Variants in GLIPR1L2 observed in about 807,000 individuals in gnomAD.
GLIPR1L2 encodes GLIPR1 like 2.
Under a neutral mutation model 28.4 loss-of-function variants are expected in GLIPR1L2, and 21 were observed. The observed-to-expected ratio is 0.74, with a 90% CI of 0.52 to 1.06. The LOEUF is 1.06. GLIPR1L2 is among the 50% of genes least tolerant of loss of function. The probability of loss-of-function intolerance (pLI) is 0.00; values close to 1 mark genes in which losing one functional copy is unlikely to be tolerated. For missense variants in GLIPR1L2, 476 were observed against 416.9 expected (o/e 1.14, Z -1.23); for synonymous variants, 145 against 139.3 (o/e 1.04, Z -0.29).
intron 2 of GLIPR1L2, among the ~76,000 whole-genome samples, chr12:75,412,344 G>A (rs1451482739): frequency 6.6e-6 from 1 of 151,994 alleles, no homozygotes; most frequent in East Asian, 1.9e-4. Flanking sequence ...ATTGACAAAT[G>A]GGATCTAATT....
At chr12:75,403,342 C>A (rs2045762730) in intron 1 of GLIPR1L2, among the ~76,000 whole-genome samples, 1 of 152,138 alleles carries the variant, frequency 6.6e-6, no homozygotes, top group African/African-American at 2.4e-5. Flanking sequence ...ACTTATCAAT[C>A]CTGGACTGAA....
At position 75,432,087 on chromosome 12, in the gene GLIPR1L2, A is replaced by G. The variant is rs920880616; in HGVS notation, c.*926A>G. On this transcript the variant is annotated 3_prime_UTR_variant, in exon 6 of 6. Transcript: ENST00000550916. Reference sequence around the variant, plus strand: ...ATGGATCAACTTTGTAAAGGAATCAATAGTAGTTGTGAAGTACACTAAGCA... The same window carrying G: ...ATGGATCAACTTTGTAAAGGAATCAGTAGTAGTTGTGAAGTACACTAAGCA... 6.6e-6 allele frequency: 1 copy of G among 152,156 alleles called. No homozygotes were observed. Among genetic ancestry groups the G allele is most frequent in the African/African-American group, 2.4e-5 (1 of 41,464 alleles). The allele number at this position is 152,156 out of a possible 1,614,324, so 9.4% of individuals were successfully genotyped here. A position where few individuals can be genotyped will look rare whatever the true frequency, so the allele number is the denominator to read the frequency against.
intron 4 of GLIPR1L2, among the ~76,000 whole-genome samples, chr12:75,424,641 G>A (rs915800176): frequency 2.6e-5 from 4 of 151,710 alleles, no homozygotes; most frequent in African/African-American, 9.7e-5. Context: ...GCAGAGACAG[G>A]ATCTTGTTGT....
chr12:75,402,941 G>C (rs7135440), intron 1 of GLIPR1L2: 1 of 453,580 alleles, frequency 2.2e-6, no homozygotes, highest in Non-Finnish European at 4.4e-6. Context: ...TGATAGTCTT[G>C]CCACCTACCA....
rs1008720077 is a variant in GLIPR1L2 at position 75,432,678 on chromosome 12, A to G, written c.*1517A>G. On this transcript the variant is annotated 3_prime_UTR_variant, in exon 6 of 6. Coordinates refer to ENST00000550916, the MANE Select transcript of GLIPR1L2 (RefSeq NM_001270396.2). ...GAATTATATTAAAAAGCCCTGAGCT[A>G]TCCTCTTGGATTTGAATGTTTCTGT... 2 of 151,782 alleles carry G rather than the reference A, an allele frequency of 1.3e-5. No homozygotes were observed. Among genetic ancestry groups the G allele is most frequent in the African/African-American group, 4.8e-5 (2 of 41,326 alleles). 9.4% of individuals were successfully genotyped at this position (151,782 alleles called of 1,614,324 possible). A position where few individuals can be genotyped will look rare whatever the true frequency, so the allele number is the denominator to read the frequency against.
intron 1 of GLIPR1L2, among the ~76,000 whole-genome samples, chr12:75,409,687 ATATATCTAATCCGATATATATATAAGATG>A (rs2045842862): frequency 2.7e-5 from 4 of 146,866 alleles, no homozygotes; most frequent in Admixed American, 1.4e-4. Context: ...TATATAAGGT[ATATATCTAATCCGATATATATATAAGATG>A]TATATCTAAT....
chr12:75,432,597 G>A lies in GLIPR1L2; in HGVS notation c.*1436G>A, dbSNP rs568208961. The A allele has an allele frequency of 1.3e-5, 2 of 151,702 alleles. No homozygotes were observed. The highest frequency in any genetic ancestry group is 2.9e-5 in the Non-Finnish European group (2 of 67,890). The allele number at this position is 151,702 out of a possible 1,614,324, so 9.4% of individuals were successfully genotyped here. On this transcript the variant is annotated 3_prime_UTR_variant, in exon 6 of 6. Transcript: ENST00000550916. ...AAATGCTATGTGTATTTACTCTGTT[G>A]TTCTTTAGTTGTATCAATATTCTGT...
At chr12:75,397,537 A>G (rs1360170222) in intron 1 of GLIPR1L2, among the ~76,000 whole-genome samples, 1 of 152,186 alleles carries the variant, frequency 6.6e-6, no homozygotes, top group Non-Finnish European at 1.5e-5. Flanking sequence ...AAATATTGCT[A>G]CAGACTAATT....
At chr12:75,424,353 A>T (rs1365503515) in intron 4 of GLIPR1L2, among the ~76,000 whole-genome samples, 2 of 152,216 alleles carry the variant, frequency 1.3e-5, no homozygotes, top group Non-Finnish European at 2.9e-5. Context: ...TGTTGGATGC[A>T]TAAATGTCTT....
At chr12:75,428,754 C>A (rs1483198333) in intron 4 of GLIPR1L2, among the ~76,000 whole-genome samples, 2 of 152,194 alleles carry the variant, frequency 1.3e-5, no homozygotes, top group Admixed American at 6.5e-5. Context: ...TGGTTCCCTG[C>A]CTCCCAGCCA....
chr12:75,422,829 T>C (rs2045990846), intron 3 of GLIPR1L2, 75 bp from the exon 4 acceptor site: 1 of 1,204,584 alleles, frequency 8.3e-7, no homozygotes, highest in Non-Finnish European at 1.2e-6. Flanking sequence ...TAAAAATTAG[T>C]AACTATATTA....
chr12:75,422,821 A>G, intron 3 of GLIPR1L2, 83 bp from the exon 4 acceptor site: 3 of 1,156,134 alleles, frequency 2.6e-6, no homozygotes, highest in Non-Finnish European at 3.7e-6. Flanking sequence ...AACCTGATTA[A>G]AAATTAGTAA....
chr12:75,391,236 G>T lies in GLIPR1L2; in HGVS notation c.120G>T (p.Leu40Phe). The T allele has an allele frequency of 6.2e-7, 1 of 1,614,226 alleles. No homozygotes were observed. ...ELWLLLLGSS[L>F]NARFLPDEED... is the part of the protein sequence containing the mutation. ...GGCTACTGCTACTGGGTTCTAGTTT[G>T]AACGCCAGATTTTTGCCAGACGAGG... The change falls in exon 1 of 6, where the codon TTG (leucine) becomes TTT (phenylalanine). Residue 40 changes from leucine to phenylalanine, a missense_variant. Transcript: ENST00000550916.
rs556159037 is a variant in GLIPR1L2, at chr12:75,427,737, C to T, written c.671-2978C>T. Among the ~76,000 whole-genome samples the T allele has an allele frequency of 4.9e-4, 75 of 152,278 alleles. No individual in the cohort carries two copies. In the Middle Eastern group the frequency reaches 0.01, roughly 21 times the overall value. ...GGTAATTAGATCAGGGGGGCAGTTT[C>T]TCTCATGCTGTTCTCATGATAGTGA... On this transcript the variant is annotated intron_variant, in intron 4 of 5. Transcript: ENST00000550916.
rs1201277239 is a variant in GLIPR1L2 at position 75,432,501 on chromosome 12, C to T, written c.*1340C>T. On this transcript the variant is annotated 3_prime_UTR_variant, in exon 6 of 6. Transcript: ENST00000550916. ...AATATTGTGTTCTAAAGCTATATTT[C>T]TCAATGTGTGGTTCCACTGAGGGAA... 1.3e-5 allele frequency: 2 copies of T among 150,418 alleles called. No individual in the cohort carries two copies. The highest frequency in any genetic ancestry group is 4.9e-5 in the African/African-American group (2 of 40,962). 9.3% of individuals were successfully genotyped at this position (150,418 alleles called of 1,614,324 possible).
intron 1 of GLIPR1L2, among the ~76,000 whole-genome samples, chr12:75,397,912 C>T (rs2045697406): frequency 6.6e-6 from 1 of 151,962 alleles, no homozygotes; most frequent in African/African-American, 2.4e-5. Flanking sequence ...TATATCTAAT[C>T]TGATATTTCC....
At chr12:75,409,129 AT>A (rs201376339) in intron 1 of GLIPR1L2, among the ~76,000 whole-genome samples, 2 of 149,792 alleles carry the variant, frequency 1.3e-5, no homozygotes, top group Non-Finnish European at 1.5e-5. Context: ...TTCTTCTGCG[AT>A]TTTTTTTTTA....
chr12:75,403,970 A>G (rs976920535), intron 1 of GLIPR1L2, among the ~76,000 whole-genome samples: 1 of 152,222 alleles, frequency 6.6e-6, no homozygotes, highest in African/African-American at 2.4e-5. Flanking sequence ...CCTAAAAAGT[A>G]GTTCACAGTG....
chr12:75,421,033 A>G (rs1396263683), intron 3 of GLIPR1L2, among the ~76,000 whole-genome samples: 1 of 152,178 alleles, frequency 6.6e-6, no homozygotes, highest in Non-Finnish European at 1.5e-5. Context: ...TAGTTCTCAA[A>G]GGCAGTTTTT....
Sources: gnomAD v4.1 joint callset for allele counts (sites outside exome capture counted in the v4.1 genomes callset) on GRCh38, gnomAD v4.1.1 for gene constraint, MANE v1.5 for transcripts, NCBI Gene and HGNC (gene_info 2026-07-23, HGNC 2026-07-21) for gene names.